The following NSD2 variants were observed in gnomAD, a reference collection of about 807,000 sequenced individuals.
The protein encoded by NSD2 is nuclear receptor binding SET domain protein 2, also known as histone-lysine N-methyltransferase NSD2.
Under a neutral mutation model 139.0 loss-of-function variants are expected in NSD2, and 12 were observed. The ratio of observed to expected loss-of-function variants is 0.09; its 90% CI spans 0.06 to 0.14. The LOEUF is 0.14. Among genes scored for constraint, NSD2 ranks in the 10% least tolerant of loss-of-function variants. The pLI is 1.00. For synonymous variants in NSD2, 669 were observed against 648.7 expected (o/e 1.03, Z -0.48); for missense variants, 1,155 against 1,745.0 (o/e 0.66, Z 6.02).
chr4:1,952,696 C>T lies in NSD2; in HGVS notation c.2137+465C>T, dbSNP rs894105514. 5.6e-6 allele frequency: 6 copies of T among 1,066,060 alleles called. No homozygotes were observed. The African/African-American group carries it at 1.0e-4, about 18-fold the overall frequency. 66.0% of individuals were successfully genotyped at this position (1,066,060 alleles called of 1,614,324 possible). On this transcript the variant is annotated intron_variant, in intron 11 of 21. Transcript: ENST00000508803. Reference sequence around the variant, plus strand: ...CTCAGTTTCAACAGAAAGAACAGCTCCAGGCTTGTCCTGGGTTGTCAGTGC... The same window carrying T: ...CTCAGTTTCAACAGAAAGAACAGCTTCAGGCTTGTCCTGGGTTGTCAGTGC...
intron 19 of NSD2, 79 bp downstream of exon 19, chr4:1,975,083 G>C: frequency 6.3e-7 from 1 of 1,598,008 alleles, no homozygotes. Flanking sequence ...CGTGGGGCTG[G>C]ACTGGAAAGG....
chr4:1,899,258 C>T (rs1357315732), intron 1 of NSD2: 2 of 152,224 alleles, frequency 1.3e-5, no homozygotes, highest in East Asian at 3.8e-4. Context: ...GTTGCAGACA[C>T]CAGCAGCCCC....
intron 9 of NSD2, chr4:1,940,731 G>A (rs1723002848): frequency 1.9e-6 from 2 of 1,060,962 alleles, no homozygotes; most frequent in Admixed American, 5.4e-5. Context: ...TGCTGAGTCA[G>A]AAGGCGGCAC....
rs568771514 is a variant in NSD2 at position 1,889,334 on chromosome 4, C to T, written c.-29-11292C>T. 5.3e-5 allele frequency among the ~76,000 whole-genome samples: 8 copies of T among 152,072 alleles called. No homozygotes were observed. In the South Asian group the frequency reaches 1.5e-3, roughly 28 times the overall value. Reference sequence around the variant, plus strand: ...TCAGCTTCCTGAGTAGCTGGGACTACAGGCATGCGCTTCCACACCCAGCTA... The same window carrying T: ...TCAGCTTCCTGAGTAGCTGGGACTATAGGCATGCGCTTCCACACCCAGCTA... On this transcript the variant is annotated intron_variant, in intron 1 of 21. Transcript: ENST00000508803.
At chr4:1,901,473 G>A (rs748993491) in intron 2 of NSD2, among the ~76,000 whole-genome samples, 6 of 152,214 alleles carry the variant, frequency 3.9e-5, no homozygotes, top group Non-Finnish European at 7.3e-5. Flanking sequence ...CCAGTTGAGA[G>A]GTCTAGAGAG....
intron 1 of NSD2, among the ~76,000 whole-genome samples, chr4:1,896,074 G>A (rs1716250433): frequency 6.6e-6 from 1 of 152,238 alleles, no homozygotes; most frequent in African/African-American, 2.4e-5. Context: ...AGTGGTAGAG[G>A]CTCTTGGCCG....
intron 3 of NSD2, among the ~76,000 whole-genome samples, chr4:1,914,207 GA>G (rs929450910): frequency 1.1e-4 from 16 of 152,094 alleles, no homozygotes; most frequent in African/African-American, 3.4e-4. Context: ...ATTTTTAGTA[GA>G]GATGGGGTTT....
At chr4:1,975,115 A>C (rs1726932608) in intron 19 of NSD2, 111 bp downstream of exon 19, 1 of 1,536,136 alleles carries the variant, frequency 6.5e-7, no homozygotes, top group South Asian at 1.2e-5. Flanking sequence ...GTGGGTGCTG[A>C]TGTGGAGTCT....
Position 1,976,728 on chromosome 4 carries a change from C to A in NSD2, c.3826+49C>A. 6.6e-7 allele frequency: 1 copy of A among 1,519,688 alleles called. No homozygotes were observed. Among genetic ancestry groups the A allele is most frequent in the Non-Finnish European group, 8.9e-7 (1 of 1,129,600 alleles). The allele number at this position is 1,519,688 out of a possible 1,614,324, so 94.1% of individuals were successfully genotyped here. Reference sequence around the variant, plus strand: ...CTTGCAGCTGTGTCTGTGTGGCAGGCTCCTGATGGCGGCTGCTGCCGCTCT... The same window carrying A: ...CTTGCAGCTGTGTCTGTGTGGCAGGATCCTGATGGCGGCTGCTGCCGCTCT... On this transcript the variant is annotated intron_variant, in intron 21 of 21. Transcript: ENST00000508803. The surrounding 1 kb of genome is among the most constrained non-coding windows in gnomAD (Gnocchi z 5.3).
rs556842377 is a variant in NSD2 at position 1,936,053 on chromosome 4, C to A, written c.1674+791C>A. Among the ~76,000 whole-genome samples the A allele has an allele frequency of 2.6e-4, 39 of 152,294 alleles. No homozygotes were observed. The South Asian group carries it at 3.9e-3, about 15-fold the overall frequency. ...TATTAGTAATTCATGTTATTGTTTA[C>A]TGAATGGGAATACTAAACAGGCTGT... On this transcript the variant is annotated intron_variant, in intron 7 of 21. Coordinates refer to ENST00000508803, the MANE Select transcript of NSD2 (RefSeq NM_001042424.3).
intron 5 of NSD2, among the ~76,000 whole-genome samples, chr4:1,920,895 A>G (rs1205850420): frequency 6.6e-6 from 1 of 151,880 alleles, no homozygotes; most frequent in Non-Finnish European, 1.5e-5. Flanking sequence ...TTAATTAGCC[A>G]GATGTGATGG....
rs114085362 is a variant in NSD2, at chr4:1,979,205, A to G, written c.*296A>G. ...GAATGTCAAGGTTCCCTCCCACTCT[A>G]TTTTTTTAGGTTAAAGTTAATTGGC... On this transcript the variant is annotated 3_prime_UTR_variant, in exon 22 of 22. Transcript: ENST00000508803. 1,788 of 349,178 alleles carry G rather than the reference A, an allele frequency of 5.1e-3. 22 individuals are homozygous for G. Among genetic ancestry groups the G allele is most frequent in the African/African-American group, 0.034 (1,652 of 47,984 alleles). The allele number at this position is 349,178 out of a possible 1,614,324, so 21.6% of individuals were successfully genotyped here.
At chr4:1,978,360 A>C (rs962002731) in intron 21 of NSD2, among the ~76,000 whole-genome samples, 17 of 151,980 alleles carry the variant, frequency 1.1e-4, no homozygotes, top group African/African-American at 3.4e-4. Flanking sequence ...GCGCTGGGGG[A>C]CACTCCTGCA....
intron 9 of NSD2, chr4:1,944,143 C>G (rs778453999): frequency 9.4e-6 from 10 of 1,066,288 alleles, no homozygotes; most frequent in Non-Finnish European, 9.1e-6. Flanking sequence ...GGCAAGTGAA[C>G]TCAGCACTCT....
chr4:1,943,662 G>A, intron 9 of NSD2: 1 of 1,048,478 alleles, frequency 9.5e-7, no homozygotes, highest in Non-Finnish European at 1.2e-6. Context: ...AGATGGTCTA[G>A]GAGCAATCTA....
chr4:1,965,830 T>G (rs1725830578), intron 18 of NSD2, among the ~76,000 whole-genome samples: 1 of 152,194 alleles, frequency 6.6e-6, no homozygotes. Context: ...CCATCAGATC[T>G]TGAGAGAACT....
At position 1,876,404 on chromosome 4, in the gene NSD2, G is replaced by A. The variant is rs979179401; in HGVS notation, c.-30+4862G>A. 2.6e-5 allele frequency among the ~76,000 whole-genome samples: 4 copies of A among 152,204 alleles called. No individual in the cohort carries two copies. The East Asian group carries it at 7.7e-4, about 29-fold the overall frequency. ...TGATGGCCTCAGCTCAAAAACTCCA[G>A]TAGTGGATAGGCACAGTTGCTCATG... On this transcript the variant is annotated intron_variant, in intron 1 of 21. Coordinates refer to ENST00000508803, the MANE Select transcript of NSD2 (RefSeq NM_001042424.3).
At chr4:1,914,388 C>T (rs1014856845) in intron 3 of NSD2, among the ~76,000 whole-genome samples, 5 of 150,590 alleles carry the variant, frequency 3.3e-5, no homozygotes, top group African/African-American at 9.8e-5. Context: ...TGCGGTGGCA[C>T]GATCTTGGCT....
Position 1,942,241 on chromosome 4 carries a change from C to A in NSD2, c.1881+2463C>A. 1 of 1,552,088 alleles carries A rather than the reference C, an allele frequency of 6.4e-7. No individual in the cohort carries two copies. Among genetic ancestry groups the A allele is most frequent in the Non-Finnish European group, 8.7e-7 (1 of 1,151,722 alleles). On this transcript the variant is annotated intron_variant, in intron 9 of 21. Coordinates refer to ENST00000508803, the MANE Select transcript of NSD2 (RefSeq NM_001042424.3). The surrounding 1 kb of genome is among the most constrained non-coding windows in gnomAD (Gnocchi z 4.0). ...AAATTACACACTTGCATGACAAAGG[C>A]CTGTGAAGGAATTAATGTGATTTAA...
Sources: gnomAD v4.1 joint callset for allele counts (sites outside exome capture counted in the v4.1 genomes callset) on GRCh38, gnomAD v4.1.1 for gene constraint, Gnocchi (gnomAD v3.1) non-coding constraint, MANE v1.5 for transcripts, NCBI Gene and HGNC (gene_info 2026-07-23, HGNC 2026-07-21) for gene names.